Variants in HAUS6 observed in about 807,000 individuals in gnomAD.
The protein encoded by HAUS6 is HAUS augmin like complex subunit 6.
In HAUS6, 80 loss-of-function variants were observed where a neutral mutation model predicts 106.8. That is an observed-to-expected ratio of 0.75 (90% CI 0.63 to 0.90). HAUS6 has a LOEUF of 0.90. Among genes scored for constraint, HAUS6 ranks in the 40% least tolerant of loss-of-function variants. HAUS6 has a pLI of 0.00. For synonymous variants in HAUS6, 356 were observed against 379.1 expected (o/e 0.94, Z 0.71); for missense variants, 1,155 against 1,118.1 (o/e 1.03, Z -0.47).
chr9:19,082,633 C>T lies in HAUS6; in HGVS notation c.870+240G>A, dbSNP rs1440274614. 2.0e-5 allele frequency among the ~76,000 whole-genome samples: 3 copies of T among 152,056 alleles called. No homozygotes were observed. Among genetic ancestry groups the T allele is most frequent in the Non-Finnish European group, 4.4e-5 (3 of 68,004 alleles). ...TGGTGGCACATGCCTGTAATCCCAG[C>T]TACTCGGGAGGCTGAGGCAGGAGAA... On this transcript the variant is annotated intron_variant, in intron 8 of 16. Transcript: ENST00000380502.
At chr9:19,072,631 A>C (rs1357951745) in intron 11 of HAUS6, among the ~76,000 whole-genome samples, 1 of 152,242 alleles carries the variant, frequency 6.6e-6, no homozygotes, top group Non-Finnish European at 1.5e-5. Context: ...ATGTCAATCT[A>C]GAATTCTATA....
In HAUS6 at chr9:19,080,038, G is replaced by A. The variant is rs561384949; in HGVS notation, c.1064+441C>T. 1.7e-4 allele frequency among the ~76,000 whole-genome samples: 26 copies of A among 150,962 alleles called. No individual in the cohort carries two copies. In the South Asian group the frequency reaches 5.5e-3, roughly 32 times the overall value. The stretch of plus-strand genomic sequence containing the variant: ...AAAAATACAAAATTAGCCAGGCGTG[G>A]TGGCACATGCCTGTAATCGCAGCTA... On this transcript the variant is annotated intron_variant, in intron 9 of 16. Transcript: ENST00000380502.
intron 5 of HAUS6, among the ~76,000 whole-genome samples, chr9:19,088,748 G>A (rs1297979233): frequency 6.6e-6 from 1 of 151,356 alleles, no homozygotes; most frequent in Non-Finnish European, 1.5e-5. Flanking sequence ...CGTGGTGGCA[G>A]GCGCCTGTAA....
Position 19,076,727 on chromosome 9 carries a change from T to C in HAUS6, c.1192-23A>G, listed in dbSNP as rs1217470424. On this transcript the variant is annotated intron_variant, in intron 10 of 16. Transcript: ENST00000380502. Reference sequence around the variant, plus strand: ...AGACTTAAAACAGAAAATTCACAATTTTGAAGTAAACATATTTGCTAACTA... The same window carrying C: ...AGACTTAAAACAGAAAATTCACAATCTTGAAGTAAACATATTTGCTAACTA... The C allele has an allele frequency of 3.7e-6, 4 of 1,084,836 alleles. No individual in the cohort carries two copies. The East Asian group carries it at 7.1e-5, about 19-fold the overall frequency. The allele number at this position is 1,084,836 out of a possible 1,614,324, so 67.2% of individuals were successfully genotyped here. A position where few individuals can be genotyped will look rare whatever the true frequency, so the allele number is the denominator to read the frequency against.
At chr9:19,087,680 C>G (rs977933120) in intron 5 of HAUS6, among the ~76,000 whole-genome samples, 1 of 151,606 alleles carries the variant, frequency 6.6e-6, no homozygotes, top group Non-Finnish European at 1.5e-5. Flanking sequence ...AAAGCAAGAC[C>G]CTGTCTCTAC....
chr9:19,094,179 A>C, intron 3 of HAUS6, 138 bp downstream of exon 3: 2 of 527,828 alleles, frequency 3.8e-6, no homozygotes, highest in Non-Finnish European at 3.4e-6. Flanking sequence ...CCATCAAAGA[A>C]GACTATTTTA....
chr9:19,091,082 C>G (rs563273276), intron 4 of HAUS6, among the ~76,000 whole-genome samples: 3 of 152,130 alleles, frequency 2.0e-5, no homozygotes, highest in Admixed American at 2.0e-4. Flanking sequence ...GGGTGGATCA[C>G]AAGGTCAGGA....
intron 3 of HAUS6, 105 bp from the exon 4 acceptor site, chr9:19,093,408 G>T (rs1817797030): frequency 2.0e-6 from 2 of 1,009,566 alleles, no homozygotes; most frequent in Non-Finnish European, 3.0e-6. Context: ...TGCAATAGAA[G>T]TCCCACATTT....
intron 11 of HAUS6, among the ~76,000 whole-genome samples, chr9:19,075,109 G>C (rs879676615): frequency 2.0e-5 from 3 of 152,152 alleles, no homozygotes; most frequent in African/African-American, 7.2e-5. Flanking sequence ...CTTTGAAAAC[G>C]CTATGCTAAG....
At chr9:19,065,601 G>T (rs1836745499) in intron 12 of HAUS6, among the ~76,000 whole-genome samples, 1 of 152,188 alleles carries the variant, frequency 6.6e-6, no homozygotes, top group Non-Finnish European at 1.5e-5. Flanking sequence ...ACCACTTTGG[G>T]AGGCTGAGGC....
Position 19,054,385 on chromosome 9 carries a change from G to A in HAUS6, c.*1958C>T. 1 of 152,200 alleles carries A rather than the reference G, an allele frequency of 6.6e-6. No individual in the cohort carries two copies. Among genetic ancestry groups the A allele is most frequent in the Non-Finnish European group, 1.5e-5 (1 of 68,022 alleles). 9.4% of individuals were successfully genotyped at this position (152,200 alleles called of 1,614,324 possible). On this transcript the variant is annotated 3_prime_UTR_variant, in exon 17 of 17. Transcript: ENST00000380502. Reference sequence around the variant, plus strand: ...AAGATCAAAAGGTAACTATGTAGGAGATACTGGATAGGGAAAAGGCTGAAG... The same window carrying A: ...AAGATCAAAAGGTAACTATGTAGGAAATACTGGATAGGGAAAAGGCTGAAG...
intron 12 of HAUS6, among the ~76,000 whole-genome samples, chr9:19,066,582 C>T (rs542157683): frequency 7.1e-6 from 1 of 141,516 alleles, no homozygotes; most frequent in Non-Finnish European, 1.6e-5. Context: ...CTCCCCCCCA[C>T]ACACACAAAC....
intron 12 of HAUS6, among the ~76,000 whole-genome samples, chr9:19,066,647 C>T (rs1256576572): frequency 6.6e-6 from 1 of 151,950 alleles, no homozygotes; most frequent in African/African-American, 2.4e-5. Context: ...AAAGGCATCA[C>T]CAATTGCTGA....
intron 4 of HAUS6, among the ~76,000 whole-genome samples, chr9:19,090,914 T>C (rs545972239): frequency 2.2e-4 from 34 of 152,166 alleles, no homozygotes; most frequent in Admixed American, 9.8e-4. Flanking sequence ...TTTAACATGG[T>C]TCAATACAAC....
intron 9 of HAUS6, among the ~76,000 whole-genome samples, chr9:19,078,949 G>A (rs1280098610): frequency 6.7e-6 from 1 of 150,282 alleles, no homozygotes; most frequent in Admixed American, 6.6e-5. Flanking sequence ...GAGGTCAGGA[G>A]TTCAAGACCA....
chr9:19,092,987 CTG>C (rs1281718212), intron 4 of HAUS6, among the ~76,000 whole-genome samples, 182 bp downstream of exon 4: 4 of 149,364 alleles, frequency 2.7e-5, no homozygotes, highest in Admixed American at 6.7e-5. Context: ...TAAATAGTAA[CTG>C]TGTTTATTAT....
rs1455118605 is a variant in HAUS6 at position 19,083,112 on chromosome 9, T to A, written c.700-69A>T. On this transcript the variant is annotated intron_variant, in intron 7 of 16. Coordinates refer to ENST00000380502, the MANE Select transcript of HAUS6 (RefSeq NM_017645.5). ...TACATATTTTAAAAATGTAAATGTA[T>A]GTTCACTCTTAGTAACAAATTTCCT... The A allele has an allele frequency of 3.7e-6, 3 of 820,956 alleles. No individual in the cohort carries two copies. In the Admixed American group the frequency reaches 9.0e-5, roughly 25 times the overall value. 50.9% of individuals were successfully genotyped at this position (820,956 alleles called of 1,614,324 possible). A position where few individuals can be genotyped will look rare whatever the true frequency, so the allele number is the denominator to read the frequency against.
intron 13 of HAUS6, 113 bp downstream of exon 13, chr9:19,063,401 T>C (rs936070692): frequency 4.5e-6 from 3 of 666,714 alleles, no homozygotes; most frequent in South Asian, 2.2e-5. Context: ...AATGTACAAA[T>C]AGTAGAAAAT....
Position 19,058,188 on chromosome 9 carries a change from T to G in HAUS6, c.2579A>C (p.Glu860Ala). ...AGGGCTCAATTCTGGTTTGTGTCTT[T>G]CGGGTGTTTGGGAATTCGAGAGGTA... ...ESYLSNSQTP[E>A]RHKPELSPTP... Residue 860 changes from glutamate to alanine, a missense_variant, in exon 16 of 17, where the codon GAA becomes GCA. Glu to Ala is a moderately radical substitution (Grantham distance 107). This residue lies in a region of HAUS6 where 380 missense variants were observed against 394.8 expected (regional missense o/e 0.96). Transcript: ENST00000380502. 1 of 1,613,962 alleles carries G rather than the reference T, an allele frequency of 6.2e-7. No homozygotes were observed. The highest frequency in any genetic ancestry group is 1.3e-5 in the African/African-American group (1 of 75,056).
Sources: allele counts gnomAD v4.1 joint callset (sites outside exome capture counted in the v4.1 genomes callset), GRCh38; gene constraint gnomAD v4.1.1; regional missense constraint gnomAD v4.1.1; transcripts MANE v1.5; gene names NCBI Gene and HGNC (gene_info 2026-07-23, HGNC 2026-07-21).